Variants in MTM1 observed in about 807,000 individuals in gnomAD.
The protein encoded by MTM1 is myotubularin.
In MTM1, 9 loss-of-function variants were observed where a neutral mutation model predicts 52.1. That is an observed-to-expected ratio of 0.17 (90% confidence interval 0.10 to 0.30). The LOEUF (loss-of-function observed/expected upper bound fraction) is 0.30. Among genes scored for constraint, MTM1 ranks in the 10% least tolerant of loss-of-function variants. The pLI is 1.00. For synonymous variants in MTM1, 136 were observed against 163.8 expected, an observed-to-expected ratio of 0.83 and a Z score of 1.29; for missense variants, 277 against 470.7, an observed-to-expected ratio of 0.59 and a Z score of 3.81.
intron 13 of MTM1, among the ~76,000 whole-genome samples, chrX:150,662,950 G>A (rs2040248223): frequency 8.9e-6 from 1 of 112,120 alleles, no homozygotes; most frequent in South Asian, 3.7e-4. Context: ...TTGACATGAT[G>A]TAGATTAAAC....
At chrX:150,610,693 C>T (rs782544902) in intron 4 of MTM1, among the ~76,000 whole-genome samples, 5 of 111,662 alleles carry the variant, frequency 4.5e-5, no homozygotes, top group South Asian at 7.6e-4. Context: ...CCTTATTAGA[C>T]GGTGGGTGCC....
intron 12 of MTM1, 95 bp downstream of exon 12, chrX:150,659,851 G>A: frequency 2.7e-6 from 2 of 748,639 alleles, no homozygotes; most frequent in Non-Finnish European, 2.0e-6. Context: ...ATAATACAGG[G>A]TAGAGCTAGA....
At chrX:150,655,506 A>T (rs1297339360) in intron 10 of MTM1, among the ~76,000 whole-genome samples, 3 of 111,677 alleles carry the variant, frequency 2.7e-5, no homozygotes, top group Admixed American at 9.5e-5. Flanking sequence ...CTATCAGTTG[A>T]TGAATGGATA....
upstream of MTM1, among the ~76,000 whole-genome samples, chrX:150,564,936 G>A (rs1557411171): frequency 8.9e-6 from 1 of 111,839 alleles, no homozygotes; most frequent in Admixed American, 9.5e-5. Flanking sequence ...AGATTCAGAA[G>A]TTAGACCTGG....
At chrX:150,671,152 C>T (rs781940664) in intron 14 of MTM1, among the ~76,000 whole-genome samples, 114 of 111,046 alleles carry the variant, frequency 1.0e-3, no homozygotes, top group African/African-American at 3.4e-3. Context: ...AGCTGTGTCT[C>T]GGCTGACACA....
rs782468065 is a variant in MTM1 at position 150,660,374 on chromosome X, C to T, written c.1357C>T (p.Pro453Ser). The T allele has an allele frequency of 8.7e-7, 1 of 1,152,369 alleles. No homozygotes were observed. The allele number at this position is 1,152,369 out of a possible 1,213,427, so 95.0% of individuals were successfully genotyped here. A position where few individuals can be genotyped will look rare whatever the true frequency, so the allele number is the denominator to read the frequency against. ...DCVWQMSKQF[P>S]TAFEFNEQFL... ...TTGTTTGCTTGTTTTTGTTTAGTTC[C>T]CTACAGCTTTTGAATTCAATGAACA... The change falls in exon 13 of 15, where the codon CCT (proline) becomes TCT (serine). Residue 453 changes from proline to serine, a missense_variant. By Grantham distance (74) the Pro-to-Ser change is moderately conservative. Around this residue, in one of 4 missense-constraint regions of MTM1, gnomAD observed 59 missense variants for 107.8 expected, o/e 0.55. Coordinates refer to ENST00000370396, the MANE Select transcript of MTM1 (RefSeq NM_000252.3).
chrX:150,592,558 A>C, intron 1 of MTM1, 47 bp from the exon 2 acceptor site: 1 of 977,969 alleles, frequency 1.0e-6, no homozygotes, highest in Non-Finnish European at 1.5e-6. Flanking sequence ...ATATGTTTGA[A>C]ATTGCATACA....
chrX:150,618,936 T>C, intron 5 of MTM1, 102 bp from the exon 6 acceptor site: 1 of 626,754 alleles, frequency 1.6e-6, no homozygotes, highest in Non-Finnish European at 2.7e-6. Context: ...AATTGCCCTT[T>C]TAGGTAAGTG....
chrX:150,642,458 T>C (rs1405586934), intron 8 of MTM1, among the ~76,000 whole-genome samples: 1 of 112,494 alleles, frequency 8.9e-6, no homozygotes, highest in Non-Finnish European at 1.9e-5. Flanking sequence ...TAATGATTTT[T>C]TTAATTCACT....
chrX:150,626,716 T>C, intron 6 of MTM1, among the ~76,000 whole-genome samples: 1 of 111,653 alleles, frequency 9.0e-6, no homozygotes, highest in Non-Finnish European at 1.9e-5. Flanking sequence ...CTGGGCTGAT[T>C]ATGGAATTAA....
chrX:150,572,607 G>A (rs2038397942), intron 1 of MTM1, among the ~76,000 whole-genome samples: 2 of 112,738 alleles, frequency 1.8e-5, no homozygotes, highest in African/African-American at 6.5e-5. Flanking sequence ...AGCAAGGCAA[G>A]CTCAGCCTCA....
intron 10 of MTM1, among the ~76,000 whole-genome samples, chrX:150,656,083 G>A (rs2040108317): frequency 9.0e-6 from 1 of 111,219 alleles, no homozygotes; most frequent in Admixed American, 9.6e-5. Context: ...GGATTTCACT[G>A]TATCAGACTT....
At chrX:150,589,750 CTTTTT>C (rs781783631) in intron 1 of MTM1, among the ~76,000 whole-genome samples, 1 of 91,903 alleles carries the variant, frequency 1.1e-5, no homozygotes. Flanking sequence ...TCATTATTGT[CTTTTT>C]TTTTTTTTTT....
intron 4 of MTM1, among the ~76,000 whole-genome samples, chrX:150,608,392 T>C (rs1557412879): frequency 9.0e-6 from 1 of 110,873 alleles, no homozygotes; most frequent in African/African-American, 3.3e-5. Flanking sequence ...CTAATTTTTG[T>C]ATTTTTTGTA....
rs2039916219 is a variant in MTM1, at chrX:150,645,569, A to G, written c.679-114A>G. On this transcript the variant is annotated intron_variant, in intron 8 of 14. Transcript: ENST00000370396. ...TGCAAGTGAACAAGTATTCTATTTTAGCACAATCAGATTCACTTCTTGATA... is the reference window on the plus strand; with the variant it reads ...TGCAAGTGAACAAGTATTCTATTTTGGCACAATCAGATTCACTTCTTGATA... The G allele has an allele frequency of 4.4e-6, 3 of 686,020 alleles. No individual in the cohort carries two copies. The East Asian group carries it at 1.0e-4, about 23-fold the overall frequency. 56.5% of individuals were successfully genotyped at this position (686,020 alleles called of 1,213,427 possible).
At position 150,660,786 on chromosome X, in the gene MTM1, G is replaced by A. The variant is rs992768033; in HGVS notation, c.1467+302G>A. On this transcript the variant is annotated intron_variant, in intron 13 of 14. Transcript: ENST00000370396. ...TCCACTCATGGCAGAAGGTGAAGGG[G>A]AGCCAGTGTGTAGAGATCATATGGT... is the stretch of plus-strand genomic sequence containing the variant. Among the ~76,000 whole-genome samples the A allele has an allele frequency of 6.3e-5, 7 of 111,339 alleles. No individual in the cohort carries two copies. In the Admixed American group the frequency reaches 6.7e-4, roughly 11 times the overall value.
intron 6 of MTM1, among the ~76,000 whole-genome samples, chrX:150,634,332 T>G (rs1274399134): frequency 8.9e-6 from 1 of 112,488 alleles, no homozygotes; most frequent in Admixed American, 9.4e-5. Flanking sequence ...AATCTAGATG[T>G]TTTAAGGAAA....
chrX:150,626,818 A>C (rs782343479), intron 6 of MTM1, among the ~76,000 whole-genome samples: 1 of 111,810 alleles, frequency 8.9e-6, no homozygotes, highest in Non-Finnish European at 1.9e-5. Flanking sequence ...AATGACTAAA[A>C]GTTATGTCTT....
intron 10 of MTM1, among the ~76,000 whole-genome samples, chrX:150,655,304 G>A (rs1185551449): frequency 5.2e-5 from 5 of 96,104 alleles, no homozygotes; most frequent in African/African-American, 1.6e-4. Flanking sequence ...CAGCCTGGGC[G>A]AAAGAGCGAG....
Sources: gnomAD v4.1 joint callset for allele counts (sites outside exome capture counted in the v4.1 genomes callset) on GRCh38, gnomAD v4.1.1 for gene constraint, gnomAD v4.1.1 regional missense constraint, MANE v1.5 for transcripts, NCBI Gene and HGNC (gene_info 2026-07-23, HGNC 2026-07-21) for gene names.